Variants in LARGE1 observed in about 807,000 individuals in gnomAD.
The protein encoded by LARGE1 is LARGE xylosyl- and glucuronyltransferase 1, also known as xylosyl- and glucuronyltransferase LARGE1.
Under a neutral mutation model 87.6 loss-of-function variants are expected in LARGE1, and 43 were observed. The ratio of observed to expected loss-of-function variants is 0.49; its 90% CI spans 0.38 to 0.63. The LOEUF is 0.63. Among genes scored for constraint, LARGE1 ranks in the 30% least tolerant of loss-of-function variants. LARGE1 has a pLI of 0.00. For missense variants in LARGE1, 802 were observed against 1,000.2 expected, an observed-to-expected ratio of 0.80 and a Z score of 2.67; for synonymous variants, 434 against 394.6, an observed-to-expected ratio of 1.10 and a Z score of -1.18.
chr22:33,339,656 G>GA (rs1331808568), intron 9 of LARGE1, among the ~76,000 whole-genome samples: 5 of 150,544 alleles, frequency 3.3e-5, no homozygotes, highest in African/African-American at 7.3e-5. Context: ...ATATGCACAA[G>GA]AAAAAAAAAT....
chr22:33,358,636 G>T (rs1182298269), intron 9 of LARGE1, among the ~76,000 whole-genome samples: 1 of 151,814 alleles, frequency 6.6e-6, no homozygotes, highest in Non-Finnish European at 1.5e-5. Context: ...TTTCTTTTAG[G>T]TGTACTCAAT....
At chr22:33,604,284 A>T in intron 5 of LARGE1, 151 bp downstream of exon 5, 1 of 1,039,328 alleles carries the variant, frequency 9.6e-7, no homozygotes, top group Non-Finnish European at 1.5e-6. Context: ...TCGATAATAA[A>T]ATCAGATTCT....
the LARGE1 span, among the ~76,000 whole-genome samples, chr22:33,098,323 TA>T: frequency 4.0e-5 from 6 of 151,674 alleles, no homozygotes; most frequent in Admixed American, 2.6e-4. Context: ...TAAATAAACT[TA>T]AAAAATAAAA....
intron 2 of LARGE1, among the ~76,000 whole-genome samples, chr22:33,673,570 A>C (rs1478349929): frequency 1.3e-5 from 2 of 152,344 alleles, no homozygotes; most frequent in East Asian, 3.9e-4. Context: ...TACCATTTGA[A>C]GTGTACAGCT....
intron 1 of LARGE1, among the ~76,000 whole-genome samples, chr22:33,829,006 CTTTTTTTTTT>C (rs776583343): frequency 0.011 from 1,038 of 94,804 alleles, 12 homozygotes; most frequent in African/African-American, 0.037. Flanking sequence ...GTCTCTTTTT[CTTTTTTTTTT>C]TTTTTTTTTT....
At chr22:33,799,510 G>C (rs1350957165) in intron 1 of LARGE1, among the ~76,000 whole-genome samples, 1 of 151,850 alleles carries the variant, frequency 6.6e-6, no homozygotes, top group African/African-American at 2.4e-5. Flanking sequence ...GTGCAATCTT[G>C]GCTCACCACA....
At chr22:33,223,328 C>A (rs535386625) in intron 11 of LARGE1, among the ~76,000 whole-genome samples, 5 of 152,300 alleles carry the variant, frequency 3.3e-5, no homozygotes, top group African/African-American at 1.2e-4. Context: ...AACCGTGATA[C>A]CTCACGTGGT....
the LARGE1 span, among the ~76,000 whole-genome samples, chr22:33,090,992 G>T: frequency 6.6e-6 from 1 of 152,130 alleles, no homozygotes; most frequent in African/African-American, 2.4e-5. Flanking sequence ...GCCTGTCATT[G>T]CCATCCATCA....
intron 10 of LARGE1, among the ~76,000 whole-genome samples, chr22:33,326,620 A>T (rs1937266350): frequency 6.6e-6 from 1 of 152,128 alleles, no homozygotes; most frequent in Non-Finnish European, 1.5e-5. Context: ...TCCAGCTGGG[A>T]TTTCACATGA....
intron 13 of LARGE1, among the ~76,000 whole-genome samples, chr22:33,282,633 TG>T (rs1354589203): frequency 6.6e-6 from 1 of 152,186 alleles, no homozygotes; most frequent in African/African-American, 2.4e-5. Flanking sequence ...ATCAGGGTTC[TG>T]TTTGCGACTG....
chr22:33,212,206 C>G (rs1304843264), intron 11 of LARGE1, among the ~76,000 whole-genome samples: 5 of 152,036 alleles, frequency 3.3e-5, no homozygotes, highest in Admixed American at 3.3e-4. Flanking sequence ...AAGTCAATGC[C>G]TGGCTTCAAA....
chr22:33,689,099 C>A (rs1375714580), intron 2 of LARGE1, among the ~76,000 whole-genome samples: 1 of 151,392 alleles, frequency 6.6e-6, no homozygotes, highest in Non-Finnish European at 1.5e-5. Flanking sequence ...TCCTACTATG[C>A]CCATATTTAG....
chr22:33,272,276 G>T (rs752091028), downstream of LARGE1, among the ~76,000 whole-genome samples: 1 of 152,218 alleles, frequency 6.6e-6, no homozygotes, highest in Non-Finnish European at 1.5e-5. Context: ...AGGGAAGGAG[G>T]AGAAATTAGT....
chr22:33,465,521 T>C (rs1053518511), intron 6 of LARGE1, among the ~76,000 whole-genome samples: 29 of 152,274 alleles, frequency 1.9e-4, no homozygotes, highest in African/African-American at 7.0e-4. Context: ...ACAATAATGA[T>C]TGCAACAAAA....
chr22:33,847,016 C>T lies in LARGE1; in HGVS notation c.-83+72979G>A, dbSNP rs557745396. The stretch of plus-strand genomic sequence containing the variant: ...GTCTGTGACCCACACCCTATTCGTA[C>T]ACTCCCTCCCCTTTTGAAACTCCCT... On this transcript the variant is annotated intron_variant, in intron 1 of 14. Coordinates refer to ENST00000397394, the MANE Select transcript of LARGE1 (RefSeq NM_133642.5). Among the ~76,000 whole-genome samples, 6 of 152,276 alleles carry T rather than the reference C, an allele frequency of 3.9e-5. No individual in the cohort carries two copies. In the East Asian group the frequency reaches 1.2e-3, roughly 29 times the overall value.
At chr22:33,423,073 A>G (rs1405309791) in intron 7 of LARGE1, among the ~76,000 whole-genome samples, 1 of 151,248 alleles carries the variant, frequency 6.6e-6, no homozygotes, top group African/African-American at 2.4e-5. Flanking sequence ...CGAAGATGGT[A>G]CTTCCTGTTA....
chr22:33,261,058 G>A (rs1428889164), intron 11 of LARGE1, among the ~76,000 whole-genome samples: 1 of 152,128 alleles, frequency 6.6e-6, no homozygotes, highest in Admixed American at 6.5e-5. Context: ...TTCAGTCTCC[G>A]GAACATTATG....
At chr22:33,276,987 A>G in intron 14 of LARGE1, 73 bp downstream of exon 14, 1 of 1,420,000 alleles carries the variant, frequency 7.0e-7, no homozygotes. Context: ...CTTGTCTCCA[A>G]GGATCCCTTA....
At chr22:33,279,995 GA>G (rs1440105751) in intron 13 of LARGE1, among the ~76,000 whole-genome samples, 1 of 152,232 alleles carries the variant, frequency 6.6e-6, no homozygotes, top group African/African-American at 2.4e-5. Flanking sequence ...GTCAACTGGG[GA>G]AAAGAATACC....
Sources: allele counts gnomAD v4.1 joint callset (sites outside exome capture counted in the v4.1 genomes callset), GRCh38; gene constraint gnomAD v4.1.1; transcripts MANE v1.5; gene names NCBI Gene and HGNC (gene_info 2026-07-23, HGNC 2026-07-21).